Variants in ADGRB3 observed in about 807,000 individuals in gnomAD.
The protein encoded by ADGRB3 is adhesion G protein-coupled receptor B3, also known as brain-specific angiogenesis inhibitor 3.
ADGRB3 carries 37 observed loss-of-function variants against 193.4 expected under a neutral mutation model. That is an observed-to-expected ratio of 0.19 (90% confidence interval 0.15 to 0.25). The LOEUF (loss-of-function observed/expected upper bound fraction) is 0.25. Ranked by LOEUF, ADGRB3 falls within the 10% of genes least tolerant of loss-of-function variation. The probability of loss-of-function intolerance (pLI) is 1.00; values close to 1 mark genes in which losing one functional copy is unlikely to be tolerated. For synonymous variants in ADGRB3, 690 were observed against 644.2 expected (o/e 1.07, Z -1.08); for missense variants, 1,637 against 1,852.9 (o/e 0.88, Z 2.14).
chr6:69,190,621 G>A (rs534816766), intron 17 of ADGRB3, among the ~76,000 whole-genome samples: 74 of 152,024 alleles, frequency 4.9e-4, no homozygotes, highest in African/African-American at 1.2e-3. Flanking sequence ...TAAATTTAGC[G>A]TAACTTAAGT....
chr6:69,238,607 T>G (rs1013688891), intron 19 of ADGRB3, among the ~76,000 whole-genome samples: 1 of 151,824 alleles, frequency 6.6e-6, no homozygotes, highest in East Asian at 1.9e-4. Flanking sequence ...AATGCTGGAG[T>G]GGATAAAAGT....
intron 30 of ADGRB3, among the ~76,000 whole-genome samples, chr6:69,372,926 T>C (rs1582664034): frequency 1.3e-5 from 2 of 152,030 alleles, no homozygotes; most frequent in Admixed American, 1.3e-4. Flanking sequence ...ATGCTTTTTT[T>C]TTCAGTAGAA....
chr6:69,343,991 A>G (rs1003923896), intron 26 of ADGRB3, among the ~76,000 whole-genome samples: 2 of 152,214 alleles, frequency 1.3e-5, no homozygotes, highest in African/African-American at 4.8e-5. Context: ...AACCTTTGAA[A>G]TAGTTACTGT....
At chr6:69,373,840 A>T (rs1330198436) in intron 30 of ADGRB3, among the ~76,000 whole-genome samples, 2 of 152,096 alleles carry the variant, frequency 1.3e-5, no homozygotes, top group East Asian at 3.9e-4. Flanking sequence ...AAAACCTAGA[A>T]CTAAAATTAA....
intron 17 of ADGRB3, among the ~76,000 whole-genome samples, chr6:69,219,624 C>T (rs1765850606): frequency 6.6e-6 from 1 of 150,954 alleles, no homozygotes; most frequent in African/African-American, 2.4e-5. Context: ...TTTGCTAAAT[C>T]TTTGCTAAAA....
At chr6:69,279,079 A>ATATATATATATATATATATATG (rs1767365559) in intron 20 of ADGRB3, among the ~76,000 whole-genome samples, 1 of 60,084 alleles carries the variant, frequency 1.7e-5, no homozygotes, top group Non-Finnish European at 3.4e-5. Context: ...ATGTATATAT[A>ATATATATATATATATATATATG]TATATATATA....
chr6:68,752,526 G>A lies in ADGRB3; in HGVS notation c.757+113094G>A, dbSNP rs1022580803. Among the ~76,000 whole-genome samples, 7 of 152,082 alleles carry A rather than the reference G, an allele frequency of 4.6e-5. No individual in the cohort carries two copies. In the East Asian group the frequency reaches 5.8e-4, roughly 13 times the overall value. Reference sequence around the variant, plus strand: ...GAACTCAGGTGATCCACCTGCCTCGGCCTCCCAAAGTGCTGGGATTACAGG... The same window carrying A: ...GAACTCAGGTGATCCACCTGCCTCGACCTCCCAAAGTGCTGGGATTACAGG... On this transcript the variant is annotated intron_variant, in intron 3 of 31. Coordinates refer to ENST00000370598, the MANE Select transcript of ADGRB3 (RefSeq NM_001704.3).
At chr6:69,221,767 G>A (rs1007846723) in intron 17 of ADGRB3, among the ~76,000 whole-genome samples, 2 of 152,084 alleles carry the variant, frequency 1.3e-5, no homozygotes, top group Non-Finnish European at 2.9e-5. Flanking sequence ...CTGAGTGGAA[G>A]GTTTCCACTG....
chr6:69,308,767 T>C (rs1768118470), intron 20 of ADGRB3, among the ~76,000 whole-genome samples: 1 of 151,682 alleles, frequency 6.6e-6, no homozygotes, highest in Non-Finnish European at 1.5e-5. Flanking sequence ...TACTAAATTT[T>C]CAATGTCTAC....
intron 3 of ADGRB3, among the ~76,000 whole-genome samples, chr6:68,776,457 GT>G (rs1437904835): frequency 2.6e-5 from 4 of 152,126 alleles, no homozygotes; most frequent in Non-Finnish European, 5.9e-5. Flanking sequence ...TTTTCCTTCA[GT>G]CCTTTTATTC....
intron 3 of ADGRB3, among the ~76,000 whole-genome samples, chr6:68,691,845 T>C (rs1335309495): frequency 3.2e-4 from 2 of 6,218 alleles, no homozygotes; most frequent in Non-Finnish European, 6.8e-4. Context: ...AGGACAATTA[T>C]ATATATATAT....
At chr6:68,677,024 C>G (rs1393834324) in intron 3 of ADGRB3, among the ~76,000 whole-genome samples, 4 of 152,094 alleles carry the variant, frequency 2.6e-5, no homozygotes, top group Non-Finnish European at 5.9e-5. Flanking sequence ...TGATTTATTC[C>G]AGAAATCTTA....
At chr6:68,640,735 G>T (rs986928399) in intron 3 of ADGRB3, among the ~76,000 whole-genome samples, 8 of 152,206 alleles carry the variant, frequency 5.3e-5, no homozygotes, top group African/African-American at 1.4e-4. Flanking sequence ...GTAAGGGGAA[G>T]TGGAGGGATG....
At chr6:68,860,907 G>A (rs551397707) in intron 3 of ADGRB3, among the ~76,000 whole-genome samples, 186 of 152,084 alleles carry the variant, frequency 1.2e-3, no homozygotes, top group African/African-American at 4.3e-3. Flanking sequence ...ATATTATTGG[G>A]GCTACTCTAA....
At chr6:68,872,539 T>C (rs1189981921) in intron 3 of ADGRB3, among the ~76,000 whole-genome samples, 3 of 152,130 alleles carry the variant, frequency 2.0e-5, no homozygotes, top group African/African-American at 7.2e-5. Flanking sequence ...TCAATTCCCT[T>C]AAGTAATAGT....
In ADGRB3 at chr6:69,024,492, G is replaced by A. The variant is rs769981597; in HGVS notation, c.2107+5993G>A. ...ATGAATTTACTTTAGATAGATGAAT[G>A]TTGCTACACCCACTTACAGCTATTT... is the stretch of plus-strand genomic sequence containing the variant. On this transcript the variant is annotated intron_variant, in intron 13 of 31. Transcript: ENST00000370598. 3.9e-4 allele frequency among the ~76,000 whole-genome samples: 60 copies of A among 152,146 alleles called. 1 individual carries two copies. The highest frequency in any genetic ancestry group is 1.4e-3 in the African/African-American group (56 of 41,430).
chr6:69,025,413 G>A (rs1400541008), intron 13 of ADGRB3, among the ~76,000 whole-genome samples: 1 of 151,704 alleles, frequency 6.6e-6, no homozygotes, highest in African/African-American at 2.4e-5. Context: ...CCTTTGTGTC[G>A]CTGCTTAGTT....
At chr6:69,058,965 A>G (rs1318700371) in intron 15 of ADGRB3, among the ~76,000 whole-genome samples, 2 of 151,914 alleles carry the variant, frequency 1.3e-5, no homozygotes, top group Non-Finnish European at 2.9e-5. Flanking sequence ...GGTCCAATTC[A>G]TCTATAATGT....
intron 17 of ADGRB3, among the ~76,000 whole-genome samples, chr6:69,184,353 C>T (rs1014558882): frequency 1.3e-5 from 2 of 152,068 alleles, no homozygotes; most frequent in East Asian, 1.9e-4. Context: ...CATGCAAGTG[C>T]AGTTTTTCTT....
Sources: allele counts gnomAD v4.1 joint callset (sites outside exome capture counted in the v4.1 genomes callset), GRCh38; gene constraint gnomAD v4.1.1; transcripts MANE v1.5; gene names NCBI Gene and HGNC (gene_info 2026-07-23, HGNC 2026-07-21).